Variants in IL19 observed in about 807,000 individuals in gnomAD.
IL19 encodes the protein interleukin 19.
A neutral mutation model predicts 19.5 loss-of-function variants in IL19; 15 were observed. The ratio of observed to expected loss-of-function variants is 0.77; its 90% CI spans 0.52 to 1.19. IL19 has a LOEUF of 1.19. Among genes scored for constraint, IL19 ranks in the 50% most tolerant of loss-of-function variants. The probability of loss-of-function intolerance (pLI) is 0.00; values close to 1 mark genes in which losing one functional copy is unlikely to be tolerated. For synonymous variants in IL19, 78 were observed against 78.3 expected (o/e 1.00, Z 0.02); for missense variants, 199 against 213.1 (o/e 0.93, Z 0.41).
chr1:206,788,934 C>T (rs867264416), intron 1 of IL19, among the ~76,000 whole-genome samples: 2 of 152,180 alleles, frequency 1.3e-5, no homozygotes, highest in Non-Finnish European at 2.9e-5. Flanking sequence ...GTGTGTAAGG[C>T]ATTTCTAGGC....
intron 2 of IL19, among the ~76,000 whole-genome samples, chr1:206,814,758 C>T (rs1048986095): frequency 3.3e-5 from 5 of 151,464 alleles, no homozygotes; most frequent in Admixed American, 6.6e-5. Flanking sequence ...AGTGGAAGCA[C>T]GACTACTTTC....
chr1:206,805,937 C>T (rs1403486462), intron 2 of IL19, among the ~76,000 whole-genome samples: 1 of 152,186 alleles, frequency 6.6e-6, no homozygotes, highest in African/African-American at 2.4e-5. Flanking sequence ...ACTAGGAATC[C>T]ATCCCTGCTG....
At chr1:206,818,888 C>T (rs953972071) in intron 2 of IL19, among the ~76,000 whole-genome samples, 3 of 150,006 alleles carry the variant, frequency 2.0e-5, no homozygotes, top group Non-Finnish European at 4.4e-5. Context: ...TCTTGGCTCA[C>T]TGCAACCTCC....
In IL19 at chr1:206,842,811, C is replaced by T. The variant is rs1183869789; in HGVS notation, c.*189C>T. ...AGTCTACTGTGGTATTTGTAATAAACTCTATCTGCTGAAAGGGCCTGCAGG... is the reference window on the plus strand; with the variant it reads ...AGTCTACTGTGGTATTTGTAATAAATTCTATCTGCTGAAAGGGCCTGCAGG... On this transcript the variant is annotated 3_prime_UTR_variant, in exon 7 of 7. Transcript: ENST00000659997. The T allele has an allele frequency of 1.5e-5, 8 of 518,018 alleles. No homozygotes were observed. Among genetic ancestry groups the T allele is most frequent in the African/African-American group, 3.8e-5 (2 of 52,234 alleles). The allele number at this position is 518,018 out of a possible 1,614,324, so 32.1% of individuals were successfully genotyped here.
At chr1:206,791,116 A>G (rs1383132778) in intron 1 of IL19, among the ~76,000 whole-genome samples, 1 of 152,216 alleles carries the variant, frequency 6.6e-6, no homozygotes, top group Admixed American at 6.5e-5. Context: ...ACCAATAAAC[A>G]GATACCAGTC....
At chr1:206,802,731 C>T (rs547673917) in intron 2 of IL19, among the ~76,000 whole-genome samples, 12 of 151,786 alleles carry the variant, frequency 7.9e-5, no homozygotes, top group Non-Finnish European at 1.2e-4. Context: ...CCAACACTGT[C>T]CCTCCCTTCC....
chr1:206,787,759 T>C (rs1449209749), intron 1 of IL19, among the ~76,000 whole-genome samples: 1 of 152,208 alleles, frequency 6.6e-6, no homozygotes, highest in Admixed American at 6.5e-5. Context: ...CCCTCTGTGG[T>C]CTTGTCTTTG....
intron 2 of IL19, among the ~76,000 whole-genome samples, chr1:206,804,711 T>G (rs931333741): frequency 5.3e-5 from 8 of 152,218 alleles, no homozygotes; most frequent in African/African-American, 1.9e-4. Flanking sequence ...TCAAGGAAAC[T>G]CACCTCAGCC....
chr1:206,809,069 T>C (rs1675933277), intron 2 of IL19, among the ~76,000 whole-genome samples: 2 of 152,130 alleles, frequency 1.3e-5, no homozygotes, highest in Admixed American at 1.3e-4. Flanking sequence ...TGGCAAACAG[T>C]CTTTGTATAT....
chr1:206,831,206 C>T (rs751778189), intron 2 of IL19, among the ~76,000 whole-genome samples: 25 of 152,212 alleles, frequency 1.6e-4, no homozygotes, highest in East Asian at 3.9e-4. Context: ...GCATGTTAGG[C>T]GGGGATAAGG....
chr1:206,800,617 C>A (rs895202913), intron 2 of IL19, among the ~76,000 whole-genome samples: 5 of 152,008 alleles, frequency 3.3e-5, no homozygotes, highest in Admixed American at 1.3e-4. Flanking sequence ...TTTAGGAAAC[C>A]GGGATGGGGA....
At chr1:206,840,853 A>G in intron 5 of IL19, 151 bp from the exon 6 acceptor site, 2 of 669,724 alleles carry the variant, frequency 3.0e-6, no homozygotes, top group Middle Eastern at 4.0e-4. Context: ...GACAAGCTCT[A>G]TTCTTCCGTG....
intron 2 of IL19, among the ~76,000 whole-genome samples, chr1:206,821,589 T>A (rs1191012697): frequency 2.0e-5 from 3 of 152,064 alleles, no homozygotes; most frequent in Non-Finnish European, 4.4e-5. Context: ...ACTAACAGAG[T>A]CTGCATGTGT....
intron 2 of IL19, among the ~76,000 whole-genome samples, chr1:206,804,781 GAATTTTTCAATCTAA>G (rs2102463441): frequency 6.6e-6 from 1 of 152,310 alleles, no homozygotes; most frequent in East Asian, 1.9e-4. Context: ...AAATGGGCTT[GAATTTTTCAATCTAA>G]AATTCTCTGT....
intron 1 of IL19, among the ~76,000 whole-genome samples, chr1:206,776,407 G>C (rs1674994933): frequency 6.6e-6 from 1 of 151,720 alleles, no homozygotes. Context: ...AGAGGAATCT[G>C]GGCAGGCAAG....
intron 1 of IL19, among the ~76,000 whole-genome samples, chr1:206,790,739 GC>G (rs1675381700): frequency 6.6e-6 from 1 of 152,064 alleles, no homozygotes; most frequent in Non-Finnish European, 1.5e-5. Context: ...TTCCCCCATT[GC>G]CCCCCACTGC....
chr1:206,813,599 G>T (rs1370156057), intron 2 of IL19, among the ~76,000 whole-genome samples: 1 of 152,110 alleles, frequency 6.6e-6, no homozygotes, highest in East Asian at 1.9e-4. Context: ...CTTCTCTACT[G>T]TTTCTAATTT....
chr1:206,791,767 C>A (rs759369160), intron 1 of IL19, among the ~76,000 whole-genome samples: 56 of 152,232 alleles, frequency 3.7e-4, no homozygotes, highest in Non-Finnish European at 7.3e-4. Context: ...TTCTCCTCCC[C>A]CTGTAAAAGC....
intron 1 of IL19, among the ~76,000 whole-genome samples, chr1:206,790,269 A>G (rs1006421668): frequency 2.6e-5 from 4 of 152,058 alleles, no homozygotes; most frequent in Non-Finnish European, 2.9e-5. Flanking sequence ...GGTTCTTCCA[A>G]TAATTTTTAA....
Sources: allele counts gnomAD v4.1 joint callset (sites outside exome capture counted in the v4.1 genomes callset), GRCh38; gene constraint gnomAD v4.1.1; transcripts MANE v1.5; gene names NCBI Gene and HGNC (gene_info 2026-07-23, HGNC 2026-07-21).